The following C9 variants were observed in gnomAD, a reference collection of about 807,000 sequenced individuals.
C9 encodes complement C9.
A neutral mutation model predicts 65.4 loss-of-function variants in C9; 63 were observed. The ratio of observed to expected loss-of-function variants is 0.96; its 90% CI spans 0.79 to 1.19. C9 has a LOEUF of 1.19. Ranked by LOEUF, C9 falls within the 50% of genes most tolerant of loss-of-function variation. The pLI, the probability that C9 is intolerant of heterozygous loss-of-function variation, is 0.00. For missense variants in C9, 744 were observed against 670.1 expected (o/e 1.11, Z -1.22); for synonymous variants, 229 against 227.9 (o/e 1.00, Z -0.04).
chr5:39,324,587 C>T (rs1396321269), intron 5 of C9, among the ~76,000 whole-genome samples: 1 of 152,062 alleles, frequency 6.6e-6, no homozygotes, highest in African/African-American at 2.4e-5. Flanking sequence ...CTCACTATGC[C>T]AGAATGGTAG....
intron 5 of C9, among the ~76,000 whole-genome samples, chr5:39,329,190 T>G (rs1753802301): frequency 6.6e-6 from 1 of 152,218 alleles, no homozygotes. Flanking sequence ...TTTTTACTTC[T>G]ACAGTTGTTC....
At chr5:39,299,618 T>C (rs1171037844) in intron 9 of C9, among the ~76,000 whole-genome samples, 2 of 152,140 alleles carry the variant, frequency 1.3e-5, no homozygotes, top group Non-Finnish European at 2.9e-5. Flanking sequence ...GTTACGTGAT[T>C]ACATTTATAT....
chr5:39,351,132 C>T (rs903878461), intron 1 of C9, among the ~76,000 whole-genome samples: 8 of 152,156 alleles, frequency 5.3e-5, no homozygotes, highest in African/African-American at 1.9e-4. Flanking sequence ...GAAGCAATGG[C>T]CTGAGCTGTA....
At chr5:39,343,372 G>C (rs552340171) in intron 1 of C9, among the ~76,000 whole-genome samples, 59 of 152,322 alleles carry the variant, frequency 3.9e-4, no homozygotes, top group Admixed American at 3.1e-3. Context: ...AGCACACTAG[G>C]AGATTATATC....
intron 5 of C9, among the ~76,000 whole-genome samples, chr5:39,326,391 T>C (rs1022501820): frequency 1.3e-5 from 2 of 152,232 alleles, no homozygotes; most frequent in African/African-American, 4.8e-5. Flanking sequence ...TCATCTCTAC[T>C]ATTACAGACC....
chr5:39,359,102 G>GTGTGTGTATATATATATA (rs1407613505), intron 1 of C9, among the ~76,000 whole-genome samples: 2,221 of 103,478 alleles, frequency 0.021, 54 homozygotes, highest in South Asian at 0.079. Flanking sequence ...GTGTGTGTGT[G>GTGTGTGTATATATATATA]TATATATATA....
chr5:39,342,836 C>T (rs531742522), intron 1 of C9, among the ~76,000 whole-genome samples: 2 of 152,284 alleles, frequency 1.3e-5, no homozygotes, highest in South Asian at 4.1e-4. Context: ...CACCCCTAGG[C>T]CCACTGCTCA....
At chr5:39,295,080 A>G (rs1325254219) in intron 9 of C9, among the ~76,000 whole-genome samples, 1 of 151,750 alleles carries the variant, frequency 6.6e-6, no homozygotes, top group African/African-American at 2.4e-5. Context: ...TAAAGGCCAT[A>G]TATGACAAAC....
At chr5:39,328,446 G>C (rs1753788809) in intron 5 of C9, among the ~76,000 whole-genome samples, 1 of 152,180 alleles carries the variant, frequency 6.6e-6, no homozygotes, top group African/African-American at 2.4e-5. Context: ...AAATTATAAT[G>C]CTAGCTGTTT....
intron 1 of C9, among the ~76,000 whole-genome samples, chr5:39,363,964 A>G (rs1307217438): frequency 6.6e-6 from 1 of 152,198 alleles, no homozygotes; most frequent in Non-Finnish European, 1.5e-5. Context: ...ACCTTTGCCT[A>G]ATGTGGAGGC....
intron 10 of C9, among the ~76,000 whole-genome samples, chr5:39,288,167 A>T (rs572216846): frequency 6.6e-6 from 1 of 152,056 alleles, no homozygotes; most frequent in African/African-American, 2.4e-5. Flanking sequence ...CATATTTAGT[A>T]CAAGCACAAA....
chr5:39,320,158 T>A (rs1401694078), intron 5 of C9, among the ~76,000 whole-genome samples: 1 of 152,138 alleles, frequency 6.6e-6, no homozygotes, highest in Non-Finnish European at 1.5e-5. Context: ...CACTGGTAAC[T>A]GACCCTAAAG....
In C9 at chr5:39,363,554, G is replaced by A. The variant is rs186082043; in HGVS notation, c.77+834C>T. Among the ~76,000 whole-genome samples, 5 of 152,290 alleles carry A rather than the reference G, an allele frequency of 3.3e-5. No homozygotes were observed. The East Asian group carries it at 9.7e-4, about 29-fold the overall frequency. On this transcript the variant is annotated intron_variant, in intron 1 of 10. Coordinates refer to ENST00000263408, the MANE Select transcript of C9 (RefSeq NM_001737.5). Reference sequence around the variant, plus strand: ...GGGCTTGGGCAGACATTTCCCCCCAGCCACACTGTTGAAGTGAGGAATATT... The same window carrying A: ...GGGCTTGGGCAGACATTTCCCCCCAACCACACTGTTGAAGTGAGGAATATT...
chr5:39,337,069 G>T (rs1347253121), intron 4 of C9, among the ~76,000 whole-genome samples: 1 of 151,936 alleles, frequency 6.6e-6, no homozygotes, highest in Non-Finnish European at 1.5e-5. Flanking sequence ...GTAAGTGATT[G>T]TTTAAAAAAG....
rs760687562 is a variant in C9 at position 39,311,258 on chromosome 5, A to G, written c.990T>C (p.Tyr330=). 4 of 1,613,720 alleles carry G rather than the reference A, an allele frequency of 2.5e-6. No homozygotes were observed. Among genetic ancestry groups the G allele is most frequent in the African/African-American group, 2.7e-5 (2 of 74,904 alleles). The change falls in exon 7 of 11, where the codon TAT becomes TAC. Residue 330 remains tyrosine, a synonymous_variant. Transcript: ENST00000263408. ...VDDIKALPTT[Y]EKGEYFAFLE... ...AAAAGGCAAAATATTCTCCCTTTTCATAGGTAGTTGGCAAAGCTTTTATAT... is the reference window on the plus strand; with the variant it reads ...AAAAGGCAAAATATTCTCCCTTTTCGTAGGTAGTTGGCAAAGCTTTTATAT...
intron 1 of C9, 59 bp downstream of exon 1, chr5:39,364,329 C>T (rs1754577013): frequency 1.1e-6 from 1 of 915,936 alleles, no homozygotes; most frequent in Non-Finnish European, 1.8e-6. Context: ...CTAAGAAGAC[C>T]TTGAGATGCT....
chr5:39,333,692 G>A (rs1753891149), intron 4 of C9, among the ~76,000 whole-genome samples: 1 of 141,128 alleles, frequency 7.1e-6, no homozygotes, highest in Non-Finnish European at 1.6e-5. Flanking sequence ...CCGCCATCTT[G>A]GCTCACTGCA....
chr5:39,342,632 C>T (rs1754109813), intron 1 of C9, among the ~76,000 whole-genome samples: 1 of 152,122 alleles, frequency 6.6e-6, no homozygotes, highest in Admixed American at 6.6e-5. Flanking sequence ...TTACCTCATT[C>T]TCTTGCAAAT....
rs557837559 is a variant in C9, at chr5:39,328,529, C to T, written c.615+3147G>A. ...AAGTAGGGCAGAAAACAATAAGGTT[C>T]ATGCCAAATCAGAGTTTTTCTGGAT... On this transcript the variant is annotated intron_variant, in intron 5 of 10. Coordinates refer to ENST00000263408, the MANE Select transcript of C9 (RefSeq NM_001737.5). Among the ~76,000 whole-genome samples the T allele has an allele frequency of 2.6e-5, 4 of 152,286 alleles. No homozygotes were observed. The East Asian group carries it at 7.7e-4, about 29-fold the overall frequency.
Sources: allele counts gnomAD v4.1 joint callset (sites outside exome capture counted in the v4.1 genomes callset), GRCh38; gene constraint gnomAD v4.1.1; transcripts MANE v1.5; gene names NCBI Gene and HGNC (gene_info 2026-07-23, HGNC 2026-07-21).